The following DDC variants were observed in gnomAD, a reference collection of about 807,000 sequenced individuals.
DDC encodes the protein dopa decarboxylase.
In DDC, 43 loss-of-function variants were observed where a neutral mutation model predicts 60.0. That is an observed-to-expected ratio of 0.72 (90% CI 0.56 to 0.92). The LOEUF is 0.92. Among genes scored for constraint, DDC ranks in the 40% least tolerant of loss-of-function variants. The pLI is 0.00. For synonymous variants in DDC, 232 were observed against 234.6 expected, an observed-to-expected ratio of 0.99 and a Z score of 0.10; for missense variants, 573 against 620.2, an observed-to-expected ratio of 0.92 and a Z score of 0.81.
chr7:50,492,244 T>G (rs1338229008), intron 9 of DDC, among the ~76,000 whole-genome samples: 1 of 152,228 alleles, frequency 6.6e-6, no homozygotes, highest in East Asian at 1.9e-4. Context: ...AGCCAACTAA[T>G]GCAGGCACAG....
chr7:50,541,594 T>A (rs1368124667), intron 2 of DDC, among the ~76,000 whole-genome samples: 1 of 152,056 alleles, frequency 6.6e-6, no homozygotes, highest in Non-Finnish European at 1.5e-5. Context: ...CTTGGTTACG[T>A]GAGTACACAC....
intron 6 of DDC, among the ~76,000 whole-genome samples, chr7:50,511,049 C>CTATATATA (rs146390731): frequency 0.015 from 1,292 of 83,620 alleles, 23 homozygotes; most frequent in African/African-American, 0.047. Flanking sequence ...TAGGATATAT[C>CTATATATA]TATACACACA....
chr7:50,515,516 A>T (rs768650852), intron 6 of DDC, among the ~76,000 whole-genome samples: 2 of 152,226 alleles, frequency 1.3e-5, no homozygotes, highest in Non-Finnish European at 2.9e-5. Flanking sequence ...AGCAAAAACA[A>T]AAAACAAACA....
intron 1 of DDC, among the ~76,000 whole-genome samples, chr7:50,555,649 T>C (rs1028983849): frequency 6.6e-6 from 1 of 152,308 alleles, no homozygotes; most frequent in Non-Finnish European, 1.5e-5. Context: ...TAAAAAATAG[T>C]TAACATTGAT....
intron 8 of DDC, among the ~76,000 whole-genome samples, chr7:50,498,488 A>G (rs2043174158): frequency 6.6e-6 from 1 of 152,240 alleles, no homozygotes; most frequent in Non-Finnish European, 1.5e-5. Flanking sequence ...GCCACCACCA[A>G]CAATGAAATC....
chr7:50,549,530 T>C (rs962511348), intron 1 of DDC, among the ~76,000 whole-genome samples: 2 of 152,028 alleles, frequency 1.3e-5, no homozygotes, highest in African/African-American at 4.8e-5. Flanking sequence ...GGCGGGCTCC[T>C]GTAGTCCCAG....
At chr7:50,511,834 G>C (rs73121285) in intron 6 of DDC, among the ~76,000 whole-genome samples, 15,453 of 152,114 alleles carry the variant, frequency 0.1, 1,049 homozygotes, top group South Asian at 0.14. Context: ...GCAAAGAATA[G>C]AAGACCAAAA....
intron 7 of DDC, among the ~76,000 whole-genome samples, chr7:50,500,821 G>C (rs1392006349): frequency 6.6e-6 from 1 of 152,224 alleles, no homozygotes; most frequent in Non-Finnish European, 1.5e-5. Flanking sequence ...TATCAGCTTT[G>C]TGGAGGACTG....
At chr7:50,548,538 A>G (rs186571308) in intron 1 of DDC, among the ~76,000 whole-genome samples, 140 of 152,352 alleles carry the variant, frequency 9.2e-4, no homozygotes, top group Non-Finnish European at 1.5e-3. Flanking sequence ...AGCGTAATCC[A>G]GAGTAAGGTC....
intron 6 of DDC, among the ~76,000 whole-genome samples, chr7:50,519,189 G>A (rs11767334): frequency 0.44 from 67,478 of 151,988 alleles, 15,603 homozygotes; most frequent in Non-Finnish European, 0.52. Flanking sequence ...AAACCACAAT[G>A]CAATACCACC....
intron 6 of DDC, among the ~76,000 whole-genome samples, chr7:50,506,886 C>G (rs761095660): frequency 6.6e-6 from 1 of 152,228 alleles, no homozygotes; most frequent in Non-Finnish European, 1.5e-5. Flanking sequence ...TCATGTCAAG[C>G]ATCAATAATT....
intron 4 of DDC, among the ~76,000 whole-genome samples, chr7:50,535,434 A>C (rs940442847): frequency 2.0e-5 from 3 of 152,214 alleles, no homozygotes; most frequent in Non-Finnish European, 4.4e-5. Flanking sequence ...GGCGTGAGCC[A>C]CTATGCCTGA....
At chr7:50,511,361 T>G (rs891252719) in intron 6 of DDC, among the ~76,000 whole-genome samples, 1 of 152,026 alleles carries the variant, frequency 6.6e-6, no homozygotes, top group Admixed American at 6.6e-5. Context: ...GCTTGTAATA[T>G]TTGATGTAAA....
intron 6 of DDC, among the ~76,000 whole-genome samples, chr7:50,516,087 A>G (rs191709933): frequency 6.6e-6 from 1 of 152,212 alleles, no homozygotes; most frequent in East Asian, 1.9e-4. Flanking sequence ...CTTAACAGGT[A>G]TATACAGAAT....
intron 9 of DDC, chr7:50,493,046 G>C: frequency 6.6e-7 from 1 of 1,524,460 alleles, no homozygotes; most frequent in African/African-American, 1.4e-5. Context: ...CCTTCTTATC[G>C]TGTGTCAATA....
intron 9 of DDC, among the ~76,000 whole-genome samples, chr7:50,484,236 C>G (rs1460840512): frequency 6.6e-6 from 1 of 152,242 alleles, no homozygotes; most frequent in Admixed American, 6.5e-5. Context: ...CTACCAACAT[C>G]TGGCTTTGTC....
intron 14 of DDC, among the ~76,000 whole-genome samples, chr7:50,460,803 A>G (rs1250756244): frequency 6.6e-6 from 1 of 151,724 alleles, no homozygotes; most frequent in Non-Finnish European, 1.5e-5. Context: ...GGTTAAATGG[A>G]TTAAGGGTGG....
intron 14 of DDC, among the ~76,000 whole-genome samples, chr7:50,462,117 C>T (rs2042285992): frequency 6.6e-6 from 1 of 151,198 alleles, no homozygotes; most frequent in Non-Finnish European, 1.5e-5. Context: ...TTCTAAATCC[C>T]CCACGGGTTA....
At chr7:50,533,671 G>A (rs757944549) in intron 4 of DDC, among the ~76,000 whole-genome samples, 38 of 152,258 alleles carry the variant, frequency 2.5e-4, no homozygotes, top group African/African-American at 8.7e-4. Flanking sequence ...GGGAAATATC[G>A]AAAGGAAGAG....
Sources: gnomAD v4.1 joint callset for allele counts (sites outside exome capture counted in the v4.1 genomes callset) on GRCh38, gnomAD v4.1.1 for gene constraint, MANE v1.5 for transcripts, NCBI Gene and HGNC (gene_info 2026-07-23, HGNC 2026-07-21) for gene names.